HYCC1: variants seen among roughly 807,000 people sequenced by gnomAD.
HYCC1 encodes the protein hyccin.
At chr7:22,974,067 G>A in the HYCC1 span, among the ~76,000 whole-genome samples, 5 of 152,108 alleles carry the variant, frequency 3.3e-5, no homozygotes, top group Admixed American at 1.3e-4. Context: ...CCTGGACTTT[G>A]CAGTGTGTTC....
chr7:22,956,436 T>C, the HYCC1 span, among the ~76,000 whole-genome samples: 1 of 151,428 alleles, frequency 6.6e-6, no homozygotes, highest in Non-Finnish European at 1.5e-5. Flanking sequence ...TTTAAAAAAT[T>C]TGAAAAACAC....
At chr7:22,979,894 T>C in the HYCC1 span, among the ~76,000 whole-genome samples, 1 of 152,196 alleles carries the variant, frequency 6.6e-6, no homozygotes, top group Non-Finnish European at 1.5e-5. Context: ...GATGAAATTA[T>C]GCATTTGAAA....
the HYCC1 span, chr7:22,945,034 A>G: frequency 6.4e-6 from 1 of 155,780 alleles, no homozygotes; most frequent in African/African-American, 2.4e-5. Flanking sequence ...AAATATTTTC[A>G]TCAGGTGCTT....
the HYCC1 span, among the ~76,000 whole-genome samples, chr7:23,013,041 G>C: frequency 6.6e-6 from 1 of 152,202 alleles, no homozygotes; most frequent in Non-Finnish European, 1.5e-5. Flanking sequence ...TCAGAGAGCA[G>C]ATTCTGTGCA....
the HYCC1 span, among the ~76,000 whole-genome samples, chr7:23,009,680 G>A: frequency 0.015 from 2,352 of 152,198 alleles, 38 homozygotes; most frequent in Non-Finnish European, 0.021. Context: ...GGTGAGGTGA[G>A]GATAGGTATT....
At chr7:22,965,962 G>T in the HYCC1 span, among the ~76,000 whole-genome samples, 1 of 152,044 alleles carries the variant, frequency 6.6e-6, no homozygotes, top group African/African-American at 2.4e-5. Flanking sequence ...TAAAGCTAAG[G>T]AGCATTTATT....
chr7:23,008,981 C>T, the HYCC1 span, among the ~76,000 whole-genome samples: 3 of 152,024 alleles, frequency 2.0e-5, no homozygotes, highest in South Asian at 4.2e-4. Context: ...TAGGTTTAAA[C>T]ACATTAAAAT....
the HYCC1 span, among the ~76,000 whole-genome samples, chr7:23,011,884 C>A: frequency 0.15 from 22,882 of 151,990 alleles, 2,126 homozygotes; most frequent in Admixed American, 0.22. Flanking sequence ...GCTGTGTGCT[C>A]CCAACTCCAC....
At chr7:22,981,557 A>C in the HYCC1 span, among the ~76,000 whole-genome samples, 1 of 152,226 alleles carries the variant, frequency 6.6e-6, no homozygotes, top group Admixed American at 6.5e-5. Flanking sequence ...GAATACACAC[A>C]GTCTTCACCA....
the HYCC1 span, chr7:22,984,080 T>A: frequency 2.3e-4 from 299 of 1,305,090 alleles, 1 homozygote; most frequent in Admixed American, 5.7e-4. Context: ...TTTACTTTTA[T>A]GAAATGTCCA....
the HYCC1 span, chr7:22,942,238 T>C: frequency 6.6e-6 from 1 of 152,150 alleles, no homozygotes; most frequent in Non-Finnish European, 1.5e-5. Context: ...AAATGAGTAA[T>C]ATTTGCTGAG....
At chr7:22,958,279 T>C in the HYCC1 span, among the ~76,000 whole-genome samples, 4 of 152,108 alleles carry the variant, frequency 2.6e-5, no homozygotes, top group African/African-American at 4.8e-5. Flanking sequence ...AACCTACCTG[T>C]AGAGGCAAAT....
At chr7:23,012,705 T>C in the HYCC1 span, among the ~76,000 whole-genome samples, 7 of 152,128 alleles carry the variant, frequency 4.6e-5, no homozygotes, top group Admixed American at 2.0e-4. Context: ...GAAAAAAAAA[T>C]ACTTGGAAAT....
At chr7:22,908,853 A>G in the HYCC1 span, among the ~76,000 whole-genome samples, 1,211 of 152,308 alleles carry the variant, frequency 8.0e-3, 15 homozygotes, top group African/African-American at 0.027. Flanking sequence ...GGTACTATGC[A>G]GTATCAGCTT....
chr7:22,902,101 A>G, the HYCC1 span, among the ~76,000 whole-genome samples: 1 of 152,172 alleles, frequency 6.6e-6, no homozygotes, highest in African/African-American at 2.4e-5. Context: ...ATAGAATTAA[A>G]TTACAAATCG....
chr7:23,003,860 T>C, the HYCC1 span, among the ~76,000 whole-genome samples: 2 of 152,176 alleles, frequency 1.3e-5, no homozygotes, highest in Non-Finnish European at 1.5e-5. Context: ...TGGTAATGTG[T>C]GCTAATAGGG....
the HYCC1 span, chr7:22,935,340 G>C: frequency 6.6e-6 from 1 of 152,108 alleles, no homozygotes; most frequent in African/African-American, 2.4e-5. Context: ...AAGCACTTAG[G>C]GGATCATTTT....
chr7:22,985,607 A>G, the HYCC1 span: 1 of 151,952 alleles, frequency 6.6e-6, no homozygotes, highest in African/African-American at 2.4e-5. Flanking sequence ...CGACGGGGGA[A>G]AAAAAGGTTT....
the HYCC1 span, among the ~76,000 whole-genome samples, chr7:22,907,275 ATAAACCTT>A: frequency 6.6e-6 from 1 of 152,166 alleles, no homozygotes; most frequent in South Asian, 2.1e-4. Context: ...ATTTTTAAAA[ATAAACCTT>A]TATTAAGAAA....
Sources: gnomAD v4.1 joint callset for allele counts (sites outside exome capture counted in the v4.1 genomes callset) on GRCh38, gnomAD v4.1.1 for gene constraint, MANE v1.5 for transcripts, NCBI Gene and HGNC (gene_info 2026-07-23, HGNC 2026-07-21) for gene names.